Variants in EYS observed in about 807,000 individuals in gnomAD.
The protein encoded by EYS is protein eyes shut homolog.
Under a neutral mutation model 282.1 loss-of-function variants are expected in EYS, and 250 were observed. The observed-to-expected ratio is 0.89, with a 90% CI of 0.80 to 0.98. The LOEUF (loss-of-function observed/expected upper bound fraction) is 0.98, where lower values mean the gene tolerates loss of function less well. EYS is among the 50% of genes least tolerant of loss of function. EYS has a pLI of 0.00. For missense variants in EYS, 4,016 were observed against 3,709.0 expected (o/e 1.08, Z -2.15); for synonymous variants, 1,355 against 1,282.9 (o/e 1.06, Z -1.20).
chr6:65,357,326 G>A (rs1256940371), intron 8 of EYS, among the ~76,000 whole-genome samples: 1 of 151,852 alleles, frequency 6.6e-6, no homozygotes, highest in Non-Finnish European at 1.5e-5. Context: ...TTTTTGGCTT[G>A]CTATATGAAA....
At chr6:65,694,168 G>C (rs1184722163) in intron 1 of EYS, among the ~76,000 whole-genome samples, 2 of 150,274 alleles carry the variant, frequency 1.3e-5, no homozygotes, top group Non-Finnish European at 3.0e-5. Flanking sequence ...TGAGGCAGGA[G>C]AATTGCTTGA....
chr6:65,534,724 C>T (rs1767903441), intron 2 of EYS, among the ~76,000 whole-genome samples: 1 of 152,104 alleles, frequency 6.6e-6, no homozygotes, highest in Non-Finnish European at 1.5e-5. Context: ...CCAATCAGGG[C>T]ACAACCGAAG....
chr6:63,952,287 C>T (rs1252534115), intron 35 of EYS, among the ~76,000 whole-genome samples: 1 of 152,202 alleles, frequency 6.6e-6, no homozygotes, highest in Non-Finnish European at 1.5e-5. Flanking sequence ...CTATCCAACT[C>T]ACCCGGCAGC....
At chr6:65,402,389 G>C in intron 7 of EYS, 89 bp downstream of exon 7, 1 of 982,572 alleles carries the variant, frequency 1.0e-6, no homozygotes, top group Non-Finnish European at 1.6e-6. Flanking sequence ...AAAAGTTAGG[G>C]TTAAAACCAG....
At chr6:64,475,139 C>T (rs888227025) in intron 26 of EYS, among the ~76,000 whole-genome samples, 3 of 152,192 alleles carry the variant, frequency 2.0e-5, no homozygotes, top group African/African-American at 7.2e-5. Context: ...TCTTATAACT[C>T]TTTCCCAATG....
intron 12 of EYS, among the ~76,000 whole-genome samples, chr6:65,148,327 G>A (rs1764528586): frequency 6.6e-6 from 1 of 152,064 alleles, no homozygotes. Flanking sequence ...TTCCAAATGG[G>A]AGAAACTAGC....
intron 28 of EYS, among the ~76,000 whole-genome samples, chr6:64,417,294 GC>G (rs1774085774): frequency 6.6e-6 from 1 of 152,128 alleles, no homozygotes; most frequent in Admixed American, 6.5e-5. Flanking sequence ...ATTATTACCT[GC>G]ATTTAACAAA....
At chr6:65,543,808 TTGAGTGGAACAA>T (rs1768272911) in intron 2 of EYS, among the ~76,000 whole-genome samples, 1 of 152,110 alleles carries the variant, frequency 6.6e-6, no homozygotes, top group Non-Finnish European at 1.5e-5. Flanking sequence ...ACAGATGACT[TTGAGTGGAACAA>T]TCCTTGCTCC....
At chr6:64,716,679 A>G (rs113680763) in intron 22 of EYS, among the ~76,000 whole-genome samples, 5,644 of 152,332 alleles carry the variant, frequency 0.037, 180 homozygotes, top group Middle Eastern at 0.082. Context: ...TTAGCAATGC[A>G]GTTAGCAACT....
intron 35 of EYS, among the ~76,000 whole-genome samples, chr6:63,948,281 C>T (rs372311449): frequency 3.3e-5 from 5 of 152,316 alleles, no homozygotes; most frequent in African/African-American, 9.6e-5. Context: ...TTTTCTCCCT[C>T]TTCTCCCACA....
At chr6:64,964,447 A>G (rs1026726109) in intron 14 of EYS, among the ~76,000 whole-genome samples, 2 of 152,128 alleles carry the variant, frequency 1.3e-5, no homozygotes, top group Non-Finnish European at 2.9e-5. Flanking sequence ...TAATGTGTCA[A>G]TTTAAAATGT....
At chr6:64,712,864 G>A (rs538492077) in intron 22 of EYS, among the ~76,000 whole-genome samples, 1 of 152,264 alleles carries the variant, frequency 6.6e-6, no homozygotes, top group African/African-American at 2.4e-5. Context: ...TATGCAACAA[G>A]AGAGCCAAAT....
intron 30 of EYS, among the ~76,000 whole-genome samples, chr6:64,261,269 G>A (rs1767577969): frequency 6.6e-6 from 1 of 151,982 alleles, no homozygotes; most frequent in South Asian, 2.1e-4. Flanking sequence ...GACAACCAAA[G>A]CAATGATGGA....
chr6:63,911,574 C>G (rs1207431674), intron 35 of EYS, among the ~76,000 whole-genome samples: 1 of 152,156 alleles, frequency 6.6e-6, no homozygotes, highest in Non-Finnish European at 1.5e-5. Context: ...AATTGATAAT[C>G]CTTGAGCAAT....
intron 40 of EYS, among the ~76,000 whole-genome samples, chr6:63,774,850 T>G (rs898195338): frequency 2.0e-5 from 3 of 151,222 alleles, no homozygotes; most frequent in South Asian, 2.1e-4. Flanking sequence ...TCACTAAACA[T>G]TTTTAGTTTG....
chr6:65,141,896 T>C (rs12216394), intron 12 of EYS, among the ~76,000 whole-genome samples: 6,490 of 151,988 alleles, frequency 0.043, 198 homozygotes, highest in Middle Eastern at 0.065. Context: ...TGAGAATTTG[T>C]TATAAGCAGA....
At chr6:65,675,377 A>C (rs1399125643) in intron 1 of EYS, among the ~76,000 whole-genome samples, 1 of 151,888 alleles carries the variant, frequency 6.6e-6, no homozygotes, top group Non-Finnish European at 1.5e-5. Flanking sequence ...CAAGAGACTC[A>C]CTTTAGCTTT....
intron 30 of EYS, among the ~76,000 whole-genome samples, chr6:64,240,776 T>C (rs1766798219): frequency 1.3e-5 from 2 of 152,172 alleles, no homozygotes; most frequent in African/African-American, 4.8e-5. Context: ...TGGCCAGAAC[T>C]TCCAATACTA....
chr6:64,097,040 A>G (rs530694841), intron 31 of EYS, among the ~76,000 whole-genome samples: 1 of 152,116 alleles, frequency 6.6e-6, no homozygotes, highest in East Asian at 1.9e-4. Flanking sequence ...TTGCCTGGGT[A>G]TCAGCAGCGG....
Sources: gnomAD v4.1 joint callset for allele counts (sites outside exome capture counted in the v4.1 genomes callset) on GRCh38, gnomAD v4.1.1 for gene constraint, MANE v1.5 for transcripts, NCBI Gene and HGNC (gene_info 2026-07-23, HGNC 2026-07-21) for gene names.